ZFAND3: variants seen among roughly 807,000 people sequenced by gnomAD.
The protein encoded by ZFAND3 is AN1-type zinc finger protein 3.
In ZFAND3, 10 loss-of-function variants were observed where a neutral mutation model predicts 29.6. That is an observed-to-expected ratio of 0.34 (90% confidence interval 0.21 to 0.57). The LOEUF (loss-of-function observed/expected upper bound fraction) is 0.57. Ranked by LOEUF, ZFAND3 falls within the 20% of genes least tolerant of loss-of-function variation. The probability of loss-of-function intolerance (pLI) is 0.86; values close to 1 mark genes in which losing one functional copy is unlikely to be tolerated. For synonymous variants in ZFAND3, 128 were observed against 112.6 expected (o/e 1.14, Z -0.87); for missense variants, 230 against 304.5 (o/e 0.76, Z 1.82).
In ZFAND3 at chr6:37,958,368, C is replaced by T. The variant is rs575010687; in HGVS notation, c.112+28369C>T. On this transcript the variant is annotated intron_variant, in intron 2 of 5. Coordinates refer to ENST00000287218, the MANE Select transcript of ZFAND3 (RefSeq NM_021943.3). ...CCTCGGGAGGCTGAGGCAGGAGAAT[C>T]GCTTGAACCTGGGAGGTGGAGGTTA... 1.2e-3 allele frequency among the ~76,000 whole-genome samples: 186 copies of T among 150,538 alleles called. 1 individual carries two copies. The South Asian group carries it at 0.013, about 11-fold the overall frequency.
At chr6:37,965,885 C>T (rs756876658) in intron 2 of ZFAND3, among the ~76,000 whole-genome samples, 9 of 152,098 alleles carry the variant, frequency 5.9e-5, no homozygotes, top group Non-Finnish European at 1.3e-4. Flanking sequence ...ACCTCAGCCT[C>T]CTGAGTAGCT....
intron 2 of ZFAND3, among the ~76,000 whole-genome samples, chr6:38,027,109 A>C (rs888888622): frequency 1.3e-5 from 2 of 152,244 alleles, no homozygotes; most frequent in Non-Finnish European, 2.9e-5. Flanking sequence ...AGTGATGGAT[A>C]GTGAACAGTT....
intron 2 of ZFAND3, among the ~76,000 whole-genome samples, chr6:38,022,288 A>G (rs866398463): frequency 9.8e-5 from 15 of 152,344 alleles, no homozygotes; most frequent in Middle Eastern, 3.4e-3. Flanking sequence ...CCTCTTTTCC[A>G]AAGTAGGCAA....
intron 2 of ZFAND3, among the ~76,000 whole-genome samples, chr6:38,042,198 C>T (rs1763803810): frequency 6.6e-6 from 1 of 151,756 alleles, no homozygotes; most frequent in Non-Finnish European, 1.5e-5. Context: ...GAATTTGCTG[C>T]ATTAAAAAGG....
chr6:38,038,493 G>A (rs1763701782), intron 2 of ZFAND3, among the ~76,000 whole-genome samples: 2 of 152,128 alleles, frequency 1.3e-5, no homozygotes, highest in African/African-American at 4.8e-5. Context: ...TGGAAATACT[G>A]TACAAGATAA....
At chr6:37,850,171 C>T (rs765589885) in intron 1 of ZFAND3, among the ~76,000 whole-genome samples, 5 of 152,098 alleles carry the variant, frequency 3.3e-5, no homozygotes, top group Non-Finnish European at 7.4e-5. Flanking sequence ...AAGAATAAAA[C>T]GTAGATGACT....
intron 1 of ZFAND3, among the ~76,000 whole-genome samples, chr6:37,904,012 A>G (rs1765365600): frequency 6.6e-6 from 1 of 152,194 alleles, no homozygotes; most frequent in Non-Finnish European, 1.5e-5. Context: ...TGGAATGCCA[A>G]ATTTCAGCTC....
chr6:37,965,453 C>T (rs756812237), intron 2 of ZFAND3, among the ~76,000 whole-genome samples: 3 of 152,124 alleles, frequency 2.0e-5, no homozygotes, highest in South Asian at 2.1e-4. Context: ...AGCGAGTAGC[C>T]GGGAGTTCAT....
intron 2 of ZFAND3, among the ~76,000 whole-genome samples, chr6:37,941,360 TCTG>T (rs1386299535): frequency 6.6e-6 from 1 of 152,252 alleles, no homozygotes; most frequent in Non-Finnish European, 1.5e-5. Flanking sequence ...TCTCTTTTCT[TCTG>T]CTCTTTTCTT....
intron 5 of ZFAND3, among the ~76,000 whole-genome samples, chr6:38,139,636 G>T (rs1209870022): frequency 6.6e-6 from 1 of 152,204 alleles, no homozygotes; most frequent in Non-Finnish European, 1.5e-5. Flanking sequence ...TCGTGCTTCA[G>T]TGGGGAAATT....
intron 5 of ZFAND3, among the ~76,000 whole-genome samples, chr6:38,150,272 T>C (rs1214040608): frequency 2.6e-5 from 4 of 152,230 alleles, no homozygotes; most frequent in African/African-American, 9.6e-5. Context: ...AGAAATTGCA[T>C]CTCTGTTCTT....
At chr6:38,091,508 G>A (rs1055116995) in intron 4 of ZFAND3, among the ~76,000 whole-genome samples, 2 of 137,222 alleles carry the variant, frequency 1.5e-5, no homozygotes, top group African/African-American at 2.8e-5. Flanking sequence ...TTTGGTGGGG[G>A]TGTATAGGTC....
At chr6:38,005,785 A>C (rs1319284931) in intron 2 of ZFAND3, among the ~76,000 whole-genome samples, 2 of 152,220 alleles carry the variant, frequency 1.3e-5, no homozygotes, top group African/African-American at 4.8e-5. Context: ...CTATGTTTTT[A>C]TACTTCTTCA....
intron 4 of ZFAND3, among the ~76,000 whole-genome samples, chr6:38,112,803 G>T (rs1765345649): frequency 6.6e-6 from 1 of 152,140 alleles, no homozygotes; most frequent in African/African-American, 2.4e-5. Flanking sequence ...TCGCCCTGTG[G>T]CACAAAGGTT....
intron 2 of ZFAND3, among the ~76,000 whole-genome samples, chr6:38,025,042 AT>A (rs1202404399): frequency 6.6e-6 from 1 of 152,250 alleles, no homozygotes; most frequent in African/African-American, 2.4e-5. Flanking sequence ...TCTGGTATCC[AT>A]TCACATGTCA....
intron 2 of ZFAND3, among the ~76,000 whole-genome samples, chr6:38,038,880 G>A (rs2127454731): frequency 6.6e-6 from 1 of 152,312 alleles, no homozygotes; most frequent in Non-Finnish European, 1.5e-5. Flanking sequence ...CTCAGAAGCT[G>A]TTGGATCCCA....
intron 5 of ZFAND3, among the ~76,000 whole-genome samples, chr6:38,147,353 G>T (rs1033608372): frequency 4.6e-5 from 7 of 152,134 alleles, no homozygotes; most frequent in Non-Finnish European, 7.4e-5. Flanking sequence ...GTATTCCTTT[G>T]TGTATATATA....
At chr6:38,040,543 GAAGTACAGC>G (rs1763740008) in intron 2 of ZFAND3, among the ~76,000 whole-genome samples, 1 of 152,106 alleles carries the variant, frequency 6.6e-6, no homozygotes, top group South Asian at 2.1e-4. Flanking sequence ...GTTTTGATGT[GAAGTACAGC>G]ATTTAAAAAC....
At chr6:38,134,647 GAGA>G (rs1193040178) in intron 5 of ZFAND3, among the ~76,000 whole-genome samples, 1 of 152,156 alleles carries the variant, frequency 6.6e-6, no homozygotes, top group East Asian at 1.9e-4. Flanking sequence ...CCTTTACTCT[GAGA>G]AGATCAGTAT....
Sources: gnomAD v4.1 joint callset for allele counts (sites outside exome capture counted in the v4.1 genomes callset) on GRCh38, gnomAD v4.1.1 for gene constraint, MANE v1.5 for transcripts, NCBI Gene and HGNC (gene_info 2026-07-23, HGNC 2026-07-21) for gene names.